The following CARMIL1 variants were observed in gnomAD, a reference collection of about 807,000 sequenced individuals.
CARMIL1 encodes capping protein regulator and myosin 1 linker 1, also known as F-actin-uncapping protein LRRC16A.
In CARMIL1, 90 loss-of-function variants were observed where a neutral mutation model predicts 177.1. The ratio of observed to expected loss-of-function variants is 0.51; its 90% CI spans 0.43 to 0.61. The LOEUF (loss-of-function observed/expected upper bound fraction) is 0.61, where lower values mean the gene tolerates loss of function less well. CARMIL1 is among the 20% of genes least tolerant of loss of function. The pLI, the probability that CARMIL1 is intolerant of heterozygous loss-of-function variation, is 0.00. For synonymous variants in CARMIL1, 577 were observed against 606.2 expected, an observed-to-expected ratio of 0.95 and a Z score of 0.71; for missense variants, 1,380 against 1,667.0, an observed-to-expected ratio of 0.83 and a Z score of 3.00.
chr6:25,537,023 C>T (rs1808369561), intron 24 of CARMIL1, among the ~76,000 whole-genome samples: 1 of 152,268 alleles, frequency 6.6e-6, no homozygotes, highest in East Asian at 1.9e-4. Context: ...CTTCAGACTT[C>T]TTGGCTTCCT....
chr6:25,493,288 A>T (rs1803401379), intron 15 of CARMIL1, among the ~76,000 whole-genome samples: 1 of 152,212 alleles, frequency 6.6e-6, no homozygotes, highest in African/African-American at 2.4e-5. Flanking sequence ...ACTGTTTAAT[A>T]CCTAATACGT....
intron 32 of CARMIL1, among the ~76,000 whole-genome samples, chr6:25,599,627 C>G (rs1233038823): frequency 6.6e-6 from 1 of 152,130 alleles, no homozygotes; most frequent in Non-Finnish European, 1.5e-5. Flanking sequence ...AGCTGCTTGC[C>G]CCTCAAAAAG....
chr6:25,450,019 A>T, intron 6 of CARMIL1, 24 bp downstream of exon 6: 1 of 1,560,294 alleles, frequency 6.4e-7, no homozygotes, highest in Non-Finnish European at 8.7e-7. Flanking sequence ...TTAAAACTGA[A>T]ATGTGAATAG....
At chr6:25,342,828 A>G (rs1787078804) in intron 2 of CARMIL1, among the ~76,000 whole-genome samples, 1 of 152,194 alleles carries the variant, frequency 6.6e-6, no homozygotes, top group Admixed American at 6.5e-5. Flanking sequence ...CTAAAATTAT[A>G]GGATTTAATT....
intron 12 of CARMIL1, among the ~76,000 whole-genome samples, chr6:25,482,845 C>T (rs1802258215): frequency 7.1e-6 from 1 of 141,820 alleles, no homozygotes; most frequent in Admixed American, 7.1e-5. Flanking sequence ...TTTTTTCCAT[C>T]AAATCCTGTC....
At chr6:25,526,678 G>T (rs1562251001) in intron 23 of CARMIL1, among the ~76,000 whole-genome samples, 1 of 151,616 alleles carries the variant, frequency 6.6e-6, no homozygotes, top group Admixed American at 6.6e-5. Context: ...TCAGCCTCCC[G>T]AGTAGCTAGA....
intron 4 of CARMIL1, among the ~76,000 whole-genome samples, chr6:25,429,025 G>A (rs980449752): frequency 3.3e-5 from 5 of 152,050 alleles, no homozygotes; most frequent in African/African-American, 7.2e-5. Flanking sequence ...TCTTTGTCTA[G>A]TCTTATTGCT....
In CARMIL1 at chr6:25,581,389, A is replaced by AC; in HGVS notation, c.2958dup (p.Lys987GlnfsTer8). 6.2e-7 allele frequency: 1 copy of AC among 1,613,556 alleles called. No individual in the cohort carries two copies. On this transcript the variant is annotated frameshift_variant, in exon 31 of 37. Coordinates refer to ENST00000329474, the MANE Select transcript of CARMIL1 (RefSeq NM_017640.6). LOFTEE classifies it high-confidence loss of function. ...AGAGGGGAAGAAGCTGGAACACTTT[A>AC]CCAAGTTAAGGCCAAAAAGGAATAA...
chr6:25,484,626 C>T (rs948089735), intron 12 of CARMIL1, among the ~76,000 whole-genome samples: 3 of 152,148 alleles, frequency 2.0e-5, no homozygotes, highest in Non-Finnish European at 2.9e-5. Flanking sequence ...CAATGTAGTA[C>T]ACATTTATGG....
chr6:25,589,845 C>T (rs1814128119), intron 31 of CARMIL1, among the ~76,000 whole-genome samples: 1 of 152,182 alleles, frequency 6.6e-6, no homozygotes, highest in Admixed American at 6.6e-5. Context: ...AGGTTGCATT[C>T]ACCTTTAAAA....
At chr6:25,599,088 G>A (rs1295044251) in intron 32 of CARMIL1, among the ~76,000 whole-genome samples, 3 of 152,234 alleles carry the variant, frequency 2.0e-5, no homozygotes, top group African/African-American at 7.2e-5. Flanking sequence ...TTTCCAGAGA[G>A]TGAACTTGGG....
intron 2 of CARMIL1, among the ~76,000 whole-genome samples, chr6:25,347,700 A>G (rs1562016426): frequency 6.6e-6 from 1 of 152,228 alleles, no homozygotes; most frequent in Non-Finnish European, 1.5e-5. Flanking sequence ...CCTAATGTTA[A>G]CATCTTATTT....
chr6:25,372,631 A>G (rs1790532575), intron 2 of CARMIL1, among the ~76,000 whole-genome samples: 1 of 152,222 alleles, frequency 6.6e-6, no homozygotes, highest in Non-Finnish European at 1.5e-5. Flanking sequence ...TATCAAATCT[A>G]GGAGTCTTTT....
At chr6:25,601,797 C>G (rs1290169519) in intron 33 of CARMIL1, among the ~76,000 whole-genome samples, 6 of 152,140 alleles carry the variant, frequency 3.9e-5, no homozygotes, top group South Asian at 2.1e-4. Context: ...GTCTTTTTCA[C>G]TTTTCTTTTT....
rs375789183 is a variant in CARMIL1, at chr6:25,458,352, G to T, written c.615-7521G>T. On this transcript the variant is annotated intron_variant, in intron 8 of 36. Coordinates refer to ENST00000329474, the MANE Select transcript of CARMIL1 (RefSeq NM_017640.6). ...AAATACAAAAAATTAGCTGGGCGTG[G>T]TGGCACGTCGCCTGTAGCCCCAGCT... 4.1e-4 allele frequency among the ~76,000 whole-genome samples: 62 copies of T among 152,164 alleles called. No individual in the cohort carries two copies. The East Asian group carries it at 8.7e-3, about 21-fold the overall frequency.
At chr6:25,459,811 T>C (rs1799978683) in intron 8 of CARMIL1, among the ~76,000 whole-genome samples, 1 of 152,204 alleles carries the variant, frequency 6.6e-6, no homozygotes, top group Non-Finnish European at 1.5e-5. Flanking sequence ...TGTTTGGAAA[T>C]GTACAGGAGA....
intron 2 of CARMIL1, among the ~76,000 whole-genome samples, chr6:25,342,679 C>T (rs1240996915): frequency 6.6e-6 from 1 of 152,072 alleles, no homozygotes; most frequent in African/African-American, 2.4e-5. Context: ...CAAAAAGTTT[C>T]ATTTTCATCT....
Position 25,472,514 on chromosome 6 carries a change from G to A in CARMIL1, c.867G>A (p.Glu289=). ...HTINLAGNPL[E]DRGVSSLSIQ... The stretch of plus-strand genomic sequence containing the variant: ...TTAACCTTGCTGGCAACCCACTGGA[G>A]GATAGAGGTACTGCAGAGTTCTCAT... Residue 289 remains glutamate, a synonymous_variant, in exon 11 of 37, where the codon GAG becomes GAA. Transcript: ENST00000329474. The A allele has an allele frequency of 6.4e-7, 1 of 1,572,208 alleles. No individual in the cohort carries two copies. The highest frequency in any genetic ancestry group is 1.3e-5 in the African/African-American group (1 of 74,120).
chr6:25,391,493 A>G (rs1000085642), intron 2 of CARMIL1, among the ~76,000 whole-genome samples: 1 of 152,090 alleles, frequency 6.6e-6, no homozygotes, highest in Non-Finnish European at 1.5e-5. Context: ...AGTTGTCTAG[A>G]TGGTATCGAG....
Sources: gnomAD v4.1 joint callset for allele counts (sites outside exome capture counted in the v4.1 genomes callset) on GRCh38, gnomAD v4.1.1 for gene constraint, MANE v1.5 for transcripts, NCBI Gene and HGNC (gene_info 2026-07-23, HGNC 2026-07-21) for gene names.